GOSR2: variants seen among roughly 807,000 people sequenced by gnomAD.
The protein encoded by GOSR2 is golgi SNAP receptor complex member 2, also known as 27 kDa Golgi SNARE protein.
Under a neutral mutation model 27.9 loss-of-function variants are expected in GOSR2, and 20 were observed. The ratio of observed to expected loss-of-function variants is 0.72; its 90% CI spans 0.50 to 1.04. The LOEUF (loss-of-function observed/expected upper bound fraction) is 1.04. Among genes scored for constraint, GOSR2 ranks in the 50% least tolerant of loss-of-function variants. The pLI is 0.00. For synonymous variants in GOSR2, 91 were observed against 98.8 expected (o/e 0.92, Z 0.47); for missense variants, 261 against 270.5 (o/e 0.97, Z 0.25).
chr17:46,934,125 CAG>C, intron 4 of GOSR2, among the ~76,000 whole-genome samples: 1 of 152,344 alleles, frequency 6.6e-6, no homozygotes, highest in African/African-American at 2.4e-5. Context: ...GTGTGGGTAA[CAG>C]GGCAGGCCCT....
rs74535166 is a variant in GOSR2 at position 46,962,873 on chromosome 17, C to T, written c.584-3661C>T. 6.6e-5 allele frequency among the ~76,000 whole-genome samples: 10 copies of T among 152,332 alleles called. No individual in the cohort carries two copies. In the East Asian group the frequency reaches 1.9e-3, roughly 29 times the overall value. On this transcript the variant is annotated intron_variant, in intron 6 of 6. Coordinates refer to the GOSR2 transcript ENST00000573224. ...TGCAGTTATAGATAACCAAAAGAAT[C>T]TCTTTCAGTGTGTGCTAGACCCTCT... is the stretch of plus-strand genomic sequence containing the variant.
At chr17:46,929,882 A>C in intron 2 of GOSR2, 1 of 307,402 alleles carries the variant, frequency 3.3e-6, no homozygotes, top group South Asian at 4.8e-5. Flanking sequence ...AGAGGAATGT[A>C]CTCCATAAAA....
chr17:46,935,626 A>T (rs1206584500), intron 5 of GOSR2: 1 of 1,042,200 alleles, frequency 9.6e-7, no homozygotes, highest in African/African-American at 1.7e-5. Context: ...CCCACTGTGC[A>T]GTGTTAGGGC....
chr17:46,941,731 G>A lies in GOSR2; in HGVS notation c.*2971G>A, dbSNP rs1313440302. 1.2e-5 allele frequency: 2 copies of A among 163,284 alleles called. No homozygotes were observed. Among genetic ancestry groups the A allele is most frequent in the African/African-American group, 4.9e-5 (2 of 40,692 alleles). 10.1% of individuals were successfully genotyped at this position (163,284 alleles called of 1,614,324 possible). A position where few individuals can be genotyped will look rare whatever the true frequency, so the allele number is the denominator to read the frequency against. Reference sequence around the variant, plus strand: ...TGGAACTACAAGTGTGTGCCACCATGTCTGGCTAATTTTTTTTTTTTTTTT... The same window carrying A: ...TGGAACTACAAGTGTGTGCCACCATATCTGGCTAATTTTTTTTTTTTTTTT... On this transcript the variant is annotated 3_prime_UTR_variant, in exon 6 of 6. Transcript: ENST00000640051.
intron 2 of GOSR2, chr17:46,930,148 C>T (rs1436690872): frequency 6.5e-6 from 1 of 154,540 alleles, no homozygotes; most frequent in Non-Finnish European, 1.4e-5. Flanking sequence ...TGCTGGGCTC[C>T]CTCAGGACCC....
chr17:46,945,771 A>G (rs748185619), downstream of GOSR2, among the ~76,000 whole-genome samples: 2 of 152,042 alleles, frequency 1.3e-5, no homozygotes, highest in Non-Finnish European at 2.9e-5. Context: ...AAGCTCAGGG[A>G]GTGGGGACCT....
At chr17:46,951,113 G>T (rs1225077353) in intron 6 of GOSR2, among the ~76,000 whole-genome samples, 1 of 152,194 alleles carries the variant, frequency 6.6e-6, no homozygotes, top group African/African-American at 2.4e-5. Context: ...TCTCCAGCTT[G>T]AGGGCATCAT....
At chr17:46,969,881 T>A (rs1318040041), downstream of GOSR2, among the ~76,000 whole-genome samples, 1 of 152,154 alleles carries the variant, frequency 6.6e-6, no homozygotes, top group African/African-American at 2.4e-5. Context: ...CCCTCTCTGG[T>A]GCCCACTTTC....
chr17:46,951,909 C>T (rs1183465203), intron 6 of GOSR2, among the ~76,000 whole-genome samples: 1 of 152,118 alleles, frequency 6.6e-6, no homozygotes, highest in African/African-American at 2.4e-5. Context: ...GACATCACCT[C>T]CCTCACAGCC....
At chr17:46,929,114 C>T (rs555959212) in intron 1 of GOSR2, among the ~76,000 whole-genome samples, 1 of 152,272 alleles carries the variant, frequency 6.6e-6, no homozygotes, top group East Asian at 1.9e-4. Context: ...TGGTACAGGC[C>T]AGTGCTTAGC....
intron 5 of GOSR2, 127 bp from the exon 6 acceptor site, chr17:46,938,472 C>T: frequency 6.9e-7 from 1 of 1,449,776 alleles, no homozygotes; most frequent in Non-Finnish European, 9.6e-7. Context: ...GCTGATATTG[C>T]TTTCTGTGTA....
Position 46,940,750 on chromosome 17 carries a change from C to T in GOSR2, c.*1990C>T. On this transcript the variant is annotated 3_prime_UTR_variant, in exon 6 of 6. Coordinates refer to ENST00000640051, the MANE Select transcript of GOSR2 (RefSeq NM_004287.5). ...GGCTTTGATGAACCCTCATGCTGCACCTTCAGAGCCAGTCCTCTAGTTTGG... is the reference window on the plus strand; with the variant it reads ...GGCTTTGATGAACCCTCATGCTGCATCTTCAGAGCCAGTCCTCTAGTTTGG... 1.3e-6 allele frequency: 2 copies of T among 1,563,556 alleles called. No individual in the cohort carries two copies. Among genetic ancestry groups the T allele is most frequent in the Non-Finnish European group, 1.7e-6 (2 of 1,158,540 alleles).
Position 46,940,554 on chromosome 17 carries a change from G to A in GOSR2, c.*1794G>A, listed in dbSNP as rs1416447582. On this transcript the variant is annotated 3_prime_UTR_variant, in exon 6 of 6. Transcript: ENST00000640051. ...GACGGCAAGGCTGTCCTGTCCCCCA[G>A]GCACCCAAGGATCCTGCCAGACAGC... 2 of 1,614,144 alleles carry A rather than the reference G, an allele frequency of 1.2e-6. No individual in the cohort carries two copies. Among genetic ancestry groups the A allele is most frequent in the African/African-American group, 1.3e-5 (1 of 75,042 alleles).
chr17:46,946,788 A>G (rs962784832), downstream of GOSR2, among the ~76,000 whole-genome samples: 51 of 152,028 alleles, frequency 3.4e-4, no homozygotes, highest in African/African-American at 1.2e-3. Context: ...GTTTGAACCC[A>G]GGAGGCAGAG....
At chr17:46,935,475 G>A (rs112948226) in intron 5 of GOSR2, 10 of 1,367,030 alleles carry the variant, frequency 7.3e-6, no homozygotes, top group African/African-American at 7.3e-5. Context: ...CACAGGCTGA[G>A]AAATTGTGTT....
Position 46,938,771 on chromosome 17 carries a change from C to T in GOSR2, c.*11C>T. On this transcript the variant is annotated 3_prime_UTR_variant, in exon 6 of 6. Transcript: ENST00000640051. ...CAGTACCTGACATGAGCCAGCCACG[C>T]TCAGTGGCTGAACAGCATTCCCACA... The T allele has an allele frequency of 6.2e-7, 1 of 1,613,712 alleles. No individual in the cohort carries two copies. Among genetic ancestry groups the T allele is most frequent in the African/African-American group, 1.3e-5 (1 of 75,024 alleles).
chr17:46,942,818 CCTTTT>C (rs2089450478), downstream of GOSR2, among the ~76,000 whole-genome samples: 3 of 152,264 alleles, frequency 2.0e-5, no homozygotes, highest in Admixed American at 6.5e-5. Context: ...TTTTCTGTGT[CCTTTT>C]CATTTCATAT....
chr17:46,967,813 G>A (rs944234582), downstream of GOSR2, among the ~76,000 whole-genome samples: 7 of 152,122 alleles, frequency 4.6e-5, no homozygotes, highest in Non-Finnish European at 8.8e-5. Flanking sequence ...TGGCAGTGAA[G>A]GAAAGATAAA....
chr17:46,945,996 C>T, downstream of GOSR2, among the ~76,000 whole-genome samples: 1 of 152,182 alleles, frequency 6.6e-6, no homozygotes, highest in Non-Finnish European at 1.5e-5. Flanking sequence ...AGGGCAGCCT[C>T]TCTTACCTCA....
Sources: gnomAD v4.1 joint callset for allele counts (sites outside exome capture counted in the v4.1 genomes callset) on GRCh38, gnomAD v4.1.1 for gene constraint, MANE v1.5 for transcripts, NCBI Gene and HGNC (gene_info 2026-07-23, HGNC 2026-07-21) for gene names.